CFAP95: variants seen among roughly 807,000 people sequenced by gnomAD.
CFAP95 encodes cilia and flagella associated protein 95.
the CFAP95 span, among the ~76,000 whole-genome samples, chr9:69,880,203 C>G: frequency 6.6e-6 from 1 of 151,924 alleles, no homozygotes; most frequent in South Asian, 2.1e-4. Flanking sequence ...GACTATAGTC[C>G]CCACGTTGTG....
At chr9:69,846,611 C>T in the CFAP95 span, among the ~76,000 whole-genome samples, 2 of 152,114 alleles carry the variant, frequency 1.3e-5, no homozygotes, top group Non-Finnish European at 2.9e-5. Flanking sequence ...TAGTTCTAAA[C>T]CTAGACTTAC....
At chr9:69,841,134 G>T in the CFAP95 span, among the ~76,000 whole-genome samples, 1 of 114,354 alleles carries the variant, frequency 8.7e-6, no homozygotes, top group Non-Finnish European at 1.8e-5. Context: ...TTAGACTGAT[G>T]GTATAAAGAC....
At chr9:69,904,315 C>T in the CFAP95 span, among the ~76,000 whole-genome samples, 1 of 152,204 alleles carries the variant, frequency 6.6e-6, no homozygotes, top group Non-Finnish European at 1.5e-5. Context: ...TATGTGGTTT[C>T]GCTTCTTAGC....
chr9:69,839,312 C>A, the CFAP95 span, among the ~76,000 whole-genome samples: 1 of 147,330 alleles, frequency 6.8e-6, no homozygotes, highest in Non-Finnish European at 1.5e-5. Context: ...AGGAATGGTA[C>A]CAGTTCCTCC....
chr9:69,888,967 A>G, the CFAP95 span, among the ~76,000 whole-genome samples: 5 of 152,218 alleles, frequency 3.3e-5, no homozygotes, highest in Non-Finnish European at 4.4e-5. Flanking sequence ...AATAAAATTC[A>G]TATGCAAATA....
At chr9:69,862,247 G>A in the CFAP95 span, among the ~76,000 whole-genome samples, 1 of 152,124 alleles carries the variant, frequency 6.6e-6, no homozygotes. Flanking sequence ...AGAGCCAAAA[G>A]TTGTTCTCAA....
At chr9:69,858,389 T>A in the CFAP95 span, among the ~76,000 whole-genome samples, 5 of 152,184 alleles carry the variant, frequency 3.3e-5, no homozygotes, top group Non-Finnish European at 5.9e-5. Flanking sequence ...TCCATAAACG[T>A]GTTCTTTTCA....
the CFAP95 span, among the ~76,000 whole-genome samples, chr9:69,871,960 T>C: frequency 1.3e-5 from 2 of 152,246 alleles, no homozygotes; most frequent in African/African-American, 4.8e-5. Context: ...GCATTTACTA[T>C]GTGTCTGGCA....
At chr9:69,832,191 C>T in the CFAP95 span, among the ~76,000 whole-genome samples, 5 of 152,248 alleles carry the variant, frequency 3.3e-5, no homozygotes, top group East Asian at 5.8e-4. Context: ...AAGGCAACAA[C>T]GGACCACTGC....
the CFAP95 span, among the ~76,000 whole-genome samples, chr9:69,879,170 T>C: frequency 6.6e-6 from 1 of 152,214 alleles, no homozygotes; most frequent in Admixed American, 6.5e-5. Flanking sequence ...GTTAGGTTTA[T>C]TGACATAAGA....
At chr9:69,850,857 A>G in the CFAP95 span, among the ~76,000 whole-genome samples, 1 of 152,158 alleles carries the variant, frequency 6.6e-6, no homozygotes, top group Non-Finnish European at 1.5e-5. Flanking sequence ...CAGCTTTTCC[A>G]ATATCACCAC....
chr9:69,889,218 G>A, the CFAP95 span, among the ~76,000 whole-genome samples: 8 of 152,178 alleles, frequency 5.3e-5, no homozygotes, highest in Admixed American at 1.3e-4. Context: ...CTAACAAAAG[G>A]TCATAAGGTT....
At chr9:69,886,768 A>G in the CFAP95 span, 1 of 1,089,280 alleles carries the variant, frequency 9.2e-7, no homozygotes, top group East Asian at 2.5e-5. Flanking sequence ...TGTAAAGTGT[A>G]TACCAATAAA....
the CFAP95 span, among the ~76,000 whole-genome samples, chr9:69,855,395 G>T: frequency 6.6e-6 from 1 of 152,048 alleles, no homozygotes; most frequent in African/African-American, 2.4e-5. Context: ...TTAATTTTTT[G>T]GTCAATCTTA....
the CFAP95 span, among the ~76,000 whole-genome samples, chr9:69,901,336 A>G: frequency 3.3e-5 from 5 of 151,878 alleles, no homozygotes; most frequent in Non-Finnish European, 7.4e-5. Context: ...ACGGGGTTTC[A>G]CCGTGTTAGC....
chr9:69,895,974 G>T, the CFAP95 span, among the ~76,000 whole-genome samples: 76 of 152,046 alleles, frequency 5.0e-4, 5 homozygotes. Flanking sequence ...TCTAACATTT[G>T]TTTCTAAGTT....
the CFAP95 span, chr9:69,856,679 C>A: frequency 6.4e-7 from 1 of 1,570,394 alleles, no homozygotes; most frequent in Non-Finnish European, 8.7e-7. Flanking sequence ...GAAAGGTATT[C>A]TTAATACTTT....
At chr9:69,867,164 G>T in the CFAP95 span, among the ~76,000 whole-genome samples, 85,382 of 152,082 alleles carry the variant, frequency 0.56, 24,302 homozygotes, top group East Asian at 0.82. Context: ...CTTGGATTGT[G>T]TGCCTTGGCA....
the CFAP95 span, among the ~76,000 whole-genome samples, chr9:69,840,158 G>A: frequency 2.6e-5 from 4 of 151,540 alleles, no homozygotes; most frequent in African/African-American, 7.3e-5. Context: ...TAGAGGCATT[G>A]TAAATTCTAT....
Sources: allele counts gnomAD v4.1 joint callset (sites outside exome capture counted in the v4.1 genomes callset), GRCh38; gene constraint gnomAD v4.1.1; transcripts MANE v1.5; gene names NCBI Gene and HGNC (gene_info 2026-07-23, HGNC 2026-07-21).